Variants in ADCY4 observed in about 807,000 individuals in gnomAD.
The protein encoded by ADCY4 is adenylate cyclase type 4.
A neutral mutation model predicts 125.5 loss-of-function variants in ADCY4; 111 were observed. The observed-to-expected ratio is 0.88, with a 90% CI of 0.76 to 1.04. ADCY4 has a LOEUF of 1.04. Among genes scored for constraint, ADCY4 ranks in the 50% least tolerant of loss-of-function variants. The pLI, the probability that ADCY4 is intolerant of heterozygous loss-of-function variation, is 0.00. For missense variants in ADCY4, 1,256 were observed against 1,382.9 expected (o/e 0.91, Z 1.46); for synonymous variants, 576 against 586.9 (o/e 0.98, Z 0.27).
At chr14:24,327,434 C>T (rs1014130667) in intron 10 of ADCY4, among the ~76,000 whole-genome samples, 13 of 152,138 alleles carry the variant, frequency 8.5e-5, no homozygotes, top group African/African-American at 1.7e-4. Flanking sequence ...TGTAGCAGTC[C>T]CCACACACCA....
intron 1 of ADCY4, among the ~76,000 whole-genome samples, chr14:24,333,557 G>A (rs1280400926): frequency 2.0e-5 from 3 of 152,168 alleles, no homozygotes; most frequent in African/African-American, 7.2e-5. Flanking sequence ...TATCTTGCTG[G>A]GACAGCTACC....
chr14:24,320,798 C>A (rs1279378570), intron 20 of ADCY4, among the ~76,000 whole-genome samples: 1 of 152,092 alleles, frequency 6.6e-6, no homozygotes, highest in Non-Finnish European at 1.5e-5. Flanking sequence ...GGCTGTTGAG[C>A]CCTGGAAATG....
At chr14:24,331,644 TG>T in intron 4 of ADCY4, 143 bp downstream of exon 4, 1 of 1,243,932 alleles carries the variant, frequency 8.0e-7, no homozygotes, top group Non-Finnish European at 1.1e-6. Context: ...CCTTCTAAGA[TG>T]GGCAATACCC....
Position 24,329,151 on chromosome 14 carries a change from C to T in ADCY4, c.1434G>A (p.Met478Ile). 6.2e-7 allele frequency: 1 copy of T among 1,613,978 alleles called. No individual in the cohort carries two copies. Among genetic ancestry groups the T allele is most frequent in the Non-Finnish European group, 8.5e-7 (1 of 1,179,924 alleles). The change falls in exon 10 of 25, where the codon ATG (methionine) becomes ATA (isoleucine). Residue 478 changes from methionine (M) to isoleucine (I), a missense_variant. By Grantham distance (10) the Met-to-Ile change is conservative. Coordinates refer to ENST00000418030, the MANE Select transcript of ADCY4 (RefSeq NM_001198568.2). ...CGCCCCAGGACTCCAGGTAACGGGT[C>T]ATCAGCAGTGATGGACGCATCTTGA... ...EGLKMRPSLL[M>I]TRYLESWGAA...
chr14:24,327,106 G>A (rs367701932), intron 10 of ADCY4, among the ~76,000 whole-genome samples: 13 of 150,694 alleles, frequency 8.6e-5, no homozygotes, highest in Admixed American at 1.3e-4. Flanking sequence ...CATGTTGGCC[G>A]GGCTGGTCTC....
At chr14:24,321,768 G>A (rs1176925459) in intron 20 of ADCY4, 3 of 1,096,510 alleles carry the variant, frequency 2.7e-6, no homozygotes, top group Middle Eastern at 3.9e-4. Context: ...ATCAGTCTGC[G>A]GCCTGGGGGC....
chr14:24,332,866 G>A lies in ADCY4; in HGVS notation c.282C>T (p.Gly94=), dbSNP rs779199621. 6 of 1,605,352 alleles carry A rather than the reference G, an allele frequency of 3.7e-6. No individual in the cohort carries two copies. Among genetic ancestry groups the A allele is most frequent in the Non-Finnish European group, 5.1e-6 (6 of 1,176,162 alleles). The change falls in exon 2 of 25, where the codon GGC becomes GGT. Residue 94 remains glycine (G), a synonymous_variant. Coordinates refer to ENST00000418030, the MANE Select transcript of ADCY4 (RefSeq NM_001198568.2). The part of the protein sequence containing the change: ...RLQRWTRPLS[G]LVWVALLALG... Reference sequence around the variant, plus strand: ...GCGCTAGCAGCGCGACCCATACCAAGCCGGACAGGGGACGCGTCCAGCGCT... The same window carrying A: ...GCGCTAGCAGCGCGACCCATACCAAACCGGACAGGGGACGCGTCCAGCGCT...
intron 17 of ADCY4, 42 bp from the exon 18 acceptor site, chr14:24,323,130 G>A: frequency 6.3e-7 from 1 of 1,597,392 alleles, no homozygotes; most frequent in South Asian, 1.1e-5. Flanking sequence ...ATGTCCCATA[G>A]GCAGAGGGGG....
At chr14:24,323,305 G>C in intron 17 of ADCY4, 39 bp downstream of exon 17, 1 of 1,517,418 alleles carries the variant, frequency 6.6e-7, no homozygotes, top group Non-Finnish European at 9.0e-7. Context: ...CTGAGGAAGG[G>C]TGTGCAGAAG....
At chr14:24,323,936 T>G (rs1366627779) in intron 16 of ADCY4, 126 bp downstream of exon 16, 17 of 1,357,166 alleles carry the variant, frequency 1.3e-5, no homozygotes, top group Non-Finnish European at 1.5e-5. Flanking sequence ...TCTTTCTATT[T>G]GTACAACATT....
At chr14:24,328,226 C>T (rs562704136) in intron 10 of ADCY4, among the ~76,000 whole-genome samples, 99 of 34,448 alleles carry the variant, frequency 2.9e-3, no homozygotes, top group Non-Finnish European at 4.0e-3. Context: ...ACCGGGAAAG[C>T]GGGGTGGGGG....
In ADCY4 at chr14:24,329,224, T is replaced by C; in HGVS notation, c.1361A>G (p.Glu454Gly). 6.2e-7 allele frequency: 1 copy of C among 1,613,618 alleles called. No homozygotes were observed. Among genetic ancestry groups the C allele is most frequent in the South Asian group, 1.1e-5 (1 of 91,052 alleles). Residue 454 changes from glutamate to glycine, a missense_variant, in exon 10 of 25, where the codon GAG becomes GGG. Glu to Gly is a moderately conservative substitution (Grantham distance 98, BLOSUM62 -2). Transcript: ENST00000418030. ...GCCTCCTGCAGTGCCCTTCTCATCC[T>C]CCTCCTCTGCCTGGGGCACATAAGG... The part of the protein sequence containing the change: ...YLVIDPRAEE[E>G]DEKGTAGGLL...
At chr14:24,334,131 C>T (rs1428376403) in intron 1 of ADCY4, among the ~76,000 whole-genome samples, 1 of 152,206 alleles carries the variant, frequency 6.6e-6, no homozygotes, top group Non-Finnish European at 1.5e-5. Flanking sequence ...AACTGCTCTA[C>T]ATCCCCTAAG....
chr14:24,331,514 T>C lies in ADCY4; in HGVS notation c.670-158A>G, dbSNP rs569823728. ...CACACAGCAGGGCCCCAGCACTCCA[T>C]CCTACACTGATCACCTTTAGTGACT... On this transcript the variant is annotated intron_variant, in intron 4 of 24. Transcript: ENST00000418030. 780 of 1,018,060 alleles carry C rather than the reference T, an allele frequency of 7.7e-4. 6 individuals are homozygous for C. Among genetic ancestry groups the C allele is most frequent in the Middle Eastern group, 5.6e-3 (19 of 3,408 alleles). 63.1% of individuals were successfully genotyped at this position (1,018,060 alleles called of 1,614,324 possible). A position where few individuals can be genotyped will look rare whatever the true frequency, so the allele number is the denominator to read the frequency against.
At position 24,332,906 on chromosome 14, in the gene ADCY4, C is replaced by G. The variant is rs771715180; in HGVS notation, c.242G>C (p.Arg81Pro). The G allele has an allele frequency of 1.0e-5, 16 of 1,605,118 alleles. No individual in the cohort carries two copies. The South Asian group carries it at 1.7e-4, about 17-fold the overall frequency. ...CGTCCAGCGCTGCAGTCGCTGCTCC[C>G]GGGAAGCGAGGCCCAGCAGCAGCGA... is the stretch of plus-strand genomic sequence containing the variant. ...GFSLLLGLAS[R>P]EQRLQRWTRP... Residue 81 changes from arginine to proline, a missense_variant, in exon 2 of 25, where the codon CGG becomes CCG. Arg to Pro is a moderately radical substitution (Grantham distance 103). Transcript: ENST00000418030.
At position 24,322,057 on chromosome 14, in the gene ADCY4, A is replaced by G. The variant is rs2041859929; in HGVS notation, c.2586+9T>C. The G allele has an allele frequency of 1.2e-6, 2 of 1,608,320 alleles. No individual in the cohort carries two copies. Among genetic ancestry groups the G allele is most frequent in the Non-Finnish European group, 1.7e-6 (2 of 1,175,636 alleles). On this transcript the variant is annotated intron_variant, in intron 20 of 24. Transcript: ENST00000418030. The stretch of plus-strand genomic sequence containing the variant: ...TCCGTGGCTCAGGAGTCAGGGGGTC[A>G]GGAGTCACCTCGTTGCGCCGGTTCT...
chr14:24,330,052 T>A, intron 7 of ADCY4, 34 bp from the exon 8 acceptor site: 2 of 1,603,924 alleles, frequency 1.2e-6, no homozygotes, highest in Non-Finnish European at 1.7e-6. Context: ...ATCTGAGTCC[T>A]ACCCTCAGCC....
chr14:24,327,441 A>C (rs2041966732), intron 10 of ADCY4, among the ~76,000 whole-genome samples: 1 of 152,004 alleles, frequency 6.6e-6, no homozygotes, highest in Admixed American at 6.6e-5. Context: ...GTCCCCACAC[A>C]CCACTCCACC....
Position 24,332,564 on chromosome 14 carries a change from A to G in ADCY4, c.477T>C (p.Tyr159=). The G allele has an allele frequency of 3.8e-6, 6 of 1,575,346 alleles. No individual in the cohort carries two copies. The highest frequency in any genetic ancestry group is 1.3e-5 in the African/African-American group (1 of 74,510). Residue 159 remains tyrosine (Y), a synonymous_variant, in exon 3 of 25, where the codon TAT becomes TAC. Transcript: ENST00000418030. The stretch of plus-strand genomic sequence containing the variant: ...GCCGTGAGTCCGGCTGTGGCCCAAG[A>G]TACAGCCCGAGGACCAGCAGATGCG... ...SLSHLLVLGL[Y]LGPQPDSRPA... is the part of the protein sequence containing the mutation.
Sources: allele counts gnomAD v4.1 joint callset (sites outside exome capture counted in the v4.1 genomes callset), GRCh38; gene constraint gnomAD v4.1.1; transcripts MANE v1.5; gene names NCBI Gene and HGNC (gene_info 2026-07-23, HGNC 2026-07-21).